The following JPT2 variants were observed in gnomAD, a reference collection of about 807,000 sequenced individuals.
JPT2 encodes the protein Jupiter microtubule associated homolog 2, also known as CRAMP_1 like.
JPT2 carries 9 observed loss-of-function variants against 15.9 expected under a neutral mutation model. The observed-to-expected ratio is 0.57, with a 90% CI of 0.34 to 0.99. JPT2 has a LOEUF of 0.99. Among genes scored for constraint, JPT2 ranks in the 50% least tolerant of loss-of-function variants. JPT2 has a pLI of 0.02. For synonymous variants in JPT2, 95 were observed against 91.7 expected, an observed-to-expected ratio of 1.04 and a Z score of -0.21; for missense variants, 267 against 252.1, an observed-to-expected ratio of 1.06 and a Z score of -0.40.
intron 1 of JPT2, chr16:1,680,401 C>T (rs934969148): frequency 2.0e-5 from 23 of 1,133,918 alleles, no homozygotes; most frequent in South Asian, 1.1e-4. Context: ...CTCACACTAC[C>T]CTGGGGGACT....
chr16:1,697,668 G>T, intron 3 of JPT2, 144 bp from the exon 4 acceptor site: 1 of 671,290 alleles, frequency 1.5e-6, no homozygotes, highest in Admixed American at 2.6e-5. Context: ...AGAATAGTCT[G>T]TAGAGGATTG....
intron 2 of JPT2, among the ~76,000 whole-genome samples, chr16:1,687,977 A>G (rs771338628): frequency 1.3e-5 from 2 of 152,224 alleles, no homozygotes; most frequent in African/African-American, 2.4e-5. Context: ...TCGAATGTTT[A>G]TCAATTCCCA....
At position 1,691,890 on chromosome 16, in the gene JPT2, C is replaced by T; in HGVS notation, c.241C>T (p.Arg81Ter). The T allele has an allele frequency of 6.2e-7, 1 of 1,614,084 alleles. No homozygotes were observed. The highest frequency in any genetic ancestry group is 1.1e-5 in the South Asian group (1 of 91,080). ...IFDESTPVQT[R>*]QHLNPPGGKT... ...TGACGAATCAACCCCCGTGCAGACT[C>T]GACAGCACCTGAACCCACCTGGAGG... Residue 81 changes from arginine (R) to a stop codon, truncating the protein, a stop_gained, in exon 3 of 5, where the codon CGA becomes TGA. Coordinates refer to ENST00000248098, the MANE Select transcript of JPT2 (RefSeq NM_144570.3). LOFTEE classifies it high-confidence loss of function.
rs1176702763 is a variant in JPT2, at chr16:1,698,225, G to A, written c.385+365G>A. On this transcript the variant is annotated intron_variant, in intron 4 of 4. Transcript: ENST00000248098. This position sits in a 1 kb window ranked among gnomAD's most constrained non-coding sequence, Gnocchi z 4.9. ...AGAGAGGGATGGAGGATGGGGAGGCGGGTGTCTCCATGGTGAGTCACCCCG... is the reference window on the plus strand; with the variant it reads ...AGAGAGGGATGGAGGATGGGGAGGCAGGTGTCTCCATGGTGAGTCACCCCG... 2.6e-5 allele frequency among the ~76,000 whole-genome samples: 4 copies of A among 152,200 alleles called. No homozygotes were observed. The highest frequency in any genetic ancestry group is 7.2e-5 in the African/African-American group (3 of 41,446).
At chr16:1,685,721 A>T (rs1048632959) in intron 2 of JPT2, 134 bp downstream of exon 2, 1 of 949,654 alleles carries the variant, frequency 1.1e-6, no homozygotes, top group African/African-American at 1.7e-5. Context: ...TTCTTCCAAA[A>T]TGAAAACGTT....
chr16:1,682,114 G>T (rs578082475), intron 1 of JPT2, among the ~76,000 whole-genome samples: 15 of 152,304 alleles, frequency 9.8e-5, no homozygotes, highest in African/African-American at 3.6e-4. Flanking sequence ...AGTGGCTCAC[G>T]CCTGTAATCC....
chr16:1,682,032 A>G (rs1306154525), intron 1 of JPT2, among the ~76,000 whole-genome samples: 1 of 152,238 alleles, frequency 6.6e-6, no homozygotes, highest in Non-Finnish European at 1.5e-5. Flanking sequence ...TTCCAAAGAG[A>G]GAACTGTAGA....
intron 3 of JPT2, among the ~76,000 whole-genome samples, chr16:1,694,750 C>T (rs1484223346): frequency 6.6e-6 from 1 of 151,776 alleles, no homozygotes; most frequent in Non-Finnish European, 1.5e-5. Flanking sequence ...GTCTCTTTAG[C>T]AAATGGCATT....
At chr16:1,681,951 C>G (rs892887552) in intron 1 of JPT2, among the ~76,000 whole-genome samples, 1 of 152,218 alleles carries the variant, frequency 6.6e-6, no homozygotes, top group Non-Finnish European at 1.5e-5. Flanking sequence ...GGAATTATAG[C>G]TCATGCTCAG....
chr16:1,693,778 G>C (rs150016340), intron 3 of JPT2, among the ~76,000 whole-genome samples: 1 of 151,532 alleles, frequency 6.6e-6, no homozygotes, highest in Non-Finnish European at 1.5e-5. Context: ...AGAATATCTC[G>C]TAATGCCAGA....
chr16:1,685,939 C>T (rs1401877521), intron 2 of JPT2: 3 of 201,776 alleles, frequency 1.5e-5, no homozygotes, highest in African/African-American at 4.7e-5. Context: ...AACATTTTTC[C>T]TAGGGAGGGA....
At position 1,698,195 on chromosome 16, in the gene JPT2, G is replaced by A. The variant is rs2037155937; in HGVS notation, c.385+335G>A. ...GGCAGAACTAATCGAGAAGAGAGGGGCACAAGAGAGGGATGGAGGATGGGG... is the reference window on the plus strand; with the variant it reads ...GGCAGAACTAATCGAGAAGAGAGGGACACAAGAGAGGGATGGAGGATGGGG... On this transcript the variant is annotated intron_variant, in intron 4 of 4. Transcript: ENST00000248098. The surrounding 1 kb of genome is among the most constrained non-coding windows in gnomAD (Gnocchi z 4.9). Among the ~76,000 whole-genome samples the A allele has an allele frequency of 6.6e-6, 1 of 152,186 alleles. No individual in the cohort carries two copies.
rs908291615 is a variant in JPT2 at position 1,700,951 on chromosome 16, T to C, written c.*1953T>C. On this transcript the variant is annotated 3_prime_UTR_variant, in exon 5 of 5. Transcript: ENST00000248098. The stretch of plus-strand genomic sequence containing the variant: ...ACCAGAGATGGGAATGAGGAAAATA[T>C]GAACTACAGCAGAAGCCCCTGGGCA... 1 of 152,178 alleles carries C rather than the reference T, an allele frequency of 6.6e-6. No individual in the cohort carries two copies. The highest frequency in any genetic ancestry group is 2.4e-5 in the African/African-American group (1 of 41,440). 9.4% of individuals were successfully genotyped at this position (152,178 alleles called of 1,614,324 possible).
In JPT2 at chr16:1,699,259, G is replaced by T. The variant is rs540353448; in HGVS notation, c.*261G>T. On this transcript the variant is annotated 3_prime_UTR_variant, in exon 5 of 5. Coordinates refer to ENST00000248098, the MANE Select transcript of JPT2 (RefSeq NM_144570.3). ...AGTCCAGGTTTGAGAGGAACTGGAA[G>T]GGGGGTGAGGGTGGGGAGGTGGGGC... is the stretch of plus-strand genomic sequence containing the variant. 34 of 616,042 alleles carry T rather than the reference G, an allele frequency of 5.5e-5. 1 individual carries two copies. Among genetic ancestry groups the T allele is most frequent in the South Asian group, 4.5e-4 (30 of 65,988 alleles). 38.2% of individuals were successfully genotyped at this position (616,042 alleles called of 1,614,324 possible). A position where few individuals can be genotyped will look rare whatever the true frequency, so the allele number is the denominator to read the frequency against.
At chr16:1,696,329 A>C (rs563943113) in intron 3 of JPT2, among the ~76,000 whole-genome samples, 1 of 152,236 alleles carries the variant, frequency 6.6e-6, no homozygotes, top group South Asian at 2.1e-4. Context: ...AGGTCAGATC[A>C]AGACCATCCT....
intron 2 of JPT2, 133 bp from the exon 3 acceptor site, chr16:1,691,710 C>A: frequency 9.6e-7 from 1 of 1,042,908 alleles, no homozygotes; most frequent in Non-Finnish European, 1.4e-6. Flanking sequence ...GAGCATCCTG[C>A]CCTGTTGGCC....
chr16:1,681,404 T>C (rs1394517226), intron 1 of JPT2, among the ~76,000 whole-genome samples: 3 of 152,226 alleles, frequency 2.0e-5, no homozygotes. Context: ...TTTTTTTCTT[T>C]GCTTGTTTTC....
At chr16:1,687,058 C>T (rs1316302504) in intron 2 of JPT2, among the ~76,000 whole-genome samples, 2 of 152,262 alleles carry the variant, frequency 1.3e-5, no homozygotes, top group Non-Finnish European at 2.9e-5. Flanking sequence ...CCATGACTCA[C>T]TGCAGCCTTG....
chr16:1,694,434 G>A (rs1330901174), intron 3 of JPT2, among the ~76,000 whole-genome samples: 1 of 152,220 alleles, frequency 6.6e-6, no homozygotes, highest in Non-Finnish European at 1.5e-5. Context: ...AGAGAGACAA[G>A]AATGTAGCCC....
Sources: allele counts gnomAD v4.1 joint callset (sites outside exome capture counted in the v4.1 genomes callset), GRCh38; gene constraint gnomAD v4.1.1; non-coding constraint Gnocchi (gnomAD v3.1); transcripts MANE v1.5; gene names NCBI Gene and HGNC (gene_info 2026-07-23, HGNC 2026-07-21).